PAIP1: variants seen among roughly 807,000 people sequenced by gnomAD.
The protein encoded by PAIP1 is poly(A) binding protein interacting protein 1, also known as polyadenylate-binding protein-interacting protein 1.
Under a neutral mutation model 61.3 loss-of-function variants are expected in PAIP1, and 16 were observed. The ratio of observed to expected loss-of-function variants is 0.26; its 90% CI spans 0.18 to 0.40. The LOEUF (loss-of-function observed/expected upper bound fraction) is 0.40, where lower values mean the gene tolerates loss of function less well. Among genes scored for constraint, PAIP1 ranks in the 10% least tolerant of loss-of-function variants. The pLI, the probability that PAIP1 is intolerant of heterozygous loss-of-function variation, is 1.00. For synonymous variants in PAIP1, 187 were observed against 226.2 expected, an observed-to-expected ratio of 0.83 and a Z score of 1.56; for missense variants, 416 against 600.9, an observed-to-expected ratio of 0.69 and a Z score of 3.22.
intron 2 of PAIP1, among the ~76,000 whole-genome samples, chr5:43,553,178 T>C (rs1747929365): frequency 6.6e-6 from 1 of 152,120 alleles, no homozygotes; most frequent in Admixed American, 6.5e-5. Flanking sequence ...GGCATAATGG[T>C]TTGTCTGAGA....
rs369954867 is a variant in PAIP1, at chr5:43,531,656, C to CAAAAAAAAAAAAAAAAAAAAAAA, written c.1253-1778_1253-1777insTTTTTTTTTTTTTTTTTTTTTTT. 8.1e-3 allele frequency among the ~76,000 whole-genome samples: 482 copies of CAAAAAAAAAAAAAAAAAAAAAAA among 59,826 alleles called. 15 individuals are homozygous for CAAAAAAAAAAAAAAAAAAAAAAA. The highest frequency in any genetic ancestry group is 0.013 in the East Asian group (9 of 674). 39.2% of individuals were successfully genotyped at this position (59,826 alleles called of 152,430 possible). The stretch of plus-strand genomic sequence containing the variant: ...TGGGTAACAGAGTGAGACTCTGTCT[C>CAAAAAAAAAAAAAAAAAAAAAAA]AAAAAAAAAAAAAAAAAAAAAGAGA... On this transcript the variant is annotated intron_variant, in intron 9 of 10. Transcript: ENST00000306846.
rs199774546 is a variant in PAIP1 at position 43,547,918 on chromosome 5, G to C, written c.436-5C>G. 6.3e-7 allele frequency: 1 copy of C among 1,588,354 alleles called. No individual in the cohort carries two copies. The highest frequency in any genetic ancestry group is 1.1e-5 in the South Asian group (1 of 88,000). On this transcript the variant is annotated splice_region_variant and splice_polypyrimidine_tract_variant and intron_variant, in intron 2 of 10. Coordinates refer to ENST00000306846, the MANE Select transcript of PAIP1 (RefSeq NM_006451.5). ...ACAACCATCCTCATAGGATTCCTAC[G>C]GATCAAAAATGAAAAAACAATTTTA...
chr5:43,533,945 C>T lies in PAIP1; in HGVS notation c.1198-153G>A, dbSNP rs201448111. Among the ~76,000 whole-genome samples the T allele has an allele frequency of 9.9e-5, 15 of 152,224 alleles. No homozygotes were observed. The East Asian group carries it at 2.7e-3, about 27-fold the overall frequency. On this transcript the variant is annotated intron_variant, in intron 8 of 10. Coordinates refer to ENST00000306846, the MANE Select transcript of PAIP1 (RefSeq NM_006451.5). ...CTTCCTGGTAGCCATTTTCACTTCA[C>T]TGAGAAAGTCTATGGTTTTCAGATT...
chr5:43,556,417 C>T (rs1227290826), intron 1 of PAIP1, 165 bp downstream of exon 1: 1 of 1,225,264 alleles, frequency 8.2e-7, no homozygotes, highest in Non-Finnish European at 1.0e-6. Flanking sequence ...ACCTTCCAAA[C>T]CCGGTTCCGG....
chr5:43,550,837 C>CAAAAAAAAAAAA (rs373730839), intron 2 of PAIP1, among the ~76,000 whole-genome samples: 54 of 49,570 alleles, frequency 1.1e-3, no homozygotes, highest in African/African-American at 1.6e-3. Flanking sequence ...AAATATACTA[C>CAAAAAAAAAAAA]AAAAAAAAAA....
chr5:43,538,097 A>T (rs192010079), intron 5 of PAIP1, among the ~76,000 whole-genome samples: 144 of 152,142 alleles, frequency 9.5e-4, no homozygotes, highest in African/African-American at 3.2e-3. Context: ...GCATATACTT[A>T]AGTATACCAC....
chr5:43,532,162 G>A (rs904245495), intron 9 of PAIP1, among the ~76,000 whole-genome samples: 28 of 151,912 alleles, frequency 1.8e-4, no homozygotes, highest in African/African-American at 5.8e-4. Flanking sequence ...TCTGTAAATC[G>A]AACAGTACTA....
chr5:43,557,029 C>T lies in PAIP1; in HGVS notation c.-183G>A, dbSNP rs1054037748. The T allele has an allele frequency of 2.8e-6, 3 of 1,090,400 alleles. No individual in the cohort carries two copies. Among genetic ancestry groups the T allele is most frequent in the Non-Finnish European group, 3.5e-6 (3 of 855,646 alleles). The allele number at this position is 1,090,400 out of a possible 1,614,324, so 67.5% of individuals were successfully genotyped here. ...CTGGCGGAGCGGACGGCAGCCCGAG[C>T]ACCCGCCGCTCCAGAGCGCCCGCCC... On this transcript the variant is annotated 5_prime_UTR_variant, in exon 1 of 11. Coordinates refer to ENST00000306846, the MANE Select transcript of PAIP1 (RefSeq NM_006451.5).
At chr5:43,528,242 AGT>A (rs1474328887) in intron 10 of PAIP1, among the ~76,000 whole-genome samples, 1 of 152,178 alleles carries the variant, frequency 6.6e-6, no homozygotes, top group Non-Finnish European at 1.5e-5. Flanking sequence ...TAAAATTTTA[AGT>A]GTGTGGCGGG....
At chr5:43,545,423 A>C (rs1747597566) in intron 3 of PAIP1, among the ~76,000 whole-genome samples, 1 of 152,212 alleles carries the variant, frequency 6.6e-6, no homozygotes, top group African/African-American at 2.4e-5. Context: ...ATTTCATAAG[A>C]AGGGTTACAA....
At chr5:43,544,191 C>T (rs1027518513) in intron 3 of PAIP1, among the ~76,000 whole-genome samples, 3 of 139,484 alleles carry the variant, frequency 2.2e-5, no homozygotes, top group Middle Eastern at 3.6e-3. Flanking sequence ...GACTTGGCCA[C>T]AAATGTAATT....
At chr5:43,541,083 C>T (rs1747381586) in intron 4 of PAIP1, among the ~76,000 whole-genome samples, 1 of 149,606 alleles carries the variant, frequency 6.7e-6, no homozygotes, top group African/African-American at 2.5e-5. Flanking sequence ...TTGTATTTTT[C>T]CAAACTGTAT....
intron 2 of PAIP1, among the ~76,000 whole-genome samples, chr5:43,549,197 C>T (rs1448973983): frequency 6.6e-6 from 1 of 152,208 alleles, no homozygotes. Flanking sequence ...ACCTTGGCCT[C>T]CCAAAGTGCT....
At chr5:43,555,310 C>A (rs1338673390) in intron 2 of PAIP1, among the ~76,000 whole-genome samples, 2 of 152,190 alleles carry the variant, frequency 1.3e-5, no homozygotes, top group Non-Finnish European at 2.9e-5. Flanking sequence ...ATCATTTCTC[C>A]AATGATTCCC....
chr5:43,532,340 AAGATTC>A (rs1746977292), intron 9 of PAIP1, among the ~76,000 whole-genome samples: 1 of 152,212 alleles, frequency 6.6e-6, no homozygotes, highest in Non-Finnish European at 1.5e-5. Flanking sequence ...AACAGAAAAA[AAGATTC>A]ACACAAACAC....
At chr5:43,539,452 T>TACACACACAC (rs34509892) in intron 4 of PAIP1, among the ~76,000 whole-genome samples, 33 of 148,688 alleles carry the variant, frequency 2.2e-4, no homozygotes, top group African/African-American at 7.7e-4. Context: ...GATCTTTAAA[T>TACACACACAC]ACACACACAC....
intron 7 of PAIP1, among the ~76,000 whole-genome samples, 160 bp downstream of exon 7, chr5:43,535,373 AG>A (rs1747102322): frequency 6.6e-6 from 1 of 152,272 alleles, no homozygotes; most frequent in African/African-American, 2.4e-5. Context: ...TCTAGTGAGC[AG>A]AAACTATAGG....
chr5:43,541,112 A>G (rs1747384101), intron 4 of PAIP1, among the ~76,000 whole-genome samples: 1 of 147,320 alleles, frequency 6.8e-6, no homozygotes, highest in African/African-American at 2.5e-5. Context: ...ATTTGGCGCT[A>G]TTCCAAGTAT....
At chr5:43,528,056 G>GTTT (rs1746778030) in intron 10 of PAIP1, among the ~76,000 whole-genome samples, 1 of 152,104 alleles carries the variant, frequency 6.6e-6, no homozygotes, top group African/African-American at 2.4e-5. Context: ...TTAAAATGGT[G>GTTT]GAAAGCAAGG....
Sources: allele counts gnomAD v4.1 joint callset (sites outside exome capture counted in the v4.1 genomes callset), GRCh38; gene constraint gnomAD v4.1.1; transcripts MANE v1.5; gene names NCBI Gene and HGNC (gene_info 2026-07-23, HGNC 2026-07-21).